Variants in VAT1L observed in about 807,000 individuals in gnomAD.
The protein encoded by VAT1L is putative NADPH-dependent quinone oxidoreductase VAT1L.
A neutral mutation model predicts 44.1 loss-of-function variants in VAT1L; 34 were observed. The observed-to-expected ratio is 0.77, with a 90% CI of 0.59 to 1.03. The LOEUF is 1.03. VAT1L is among the 50% of genes least tolerant of loss of function. VAT1L has a pLI of 0.00. For missense variants in VAT1L, 615 were observed against 538.8 expected (o/e 1.14, Z -1.40); for synonymous variants, 253 against 202.2 (o/e 1.25, Z -2.13).
intron 7 of VAT1L, among the ~76,000 whole-genome samples, chr16:77,943,386 T>A: frequency 6.8e-6 from 1 of 146,826 alleles, no homozygotes; most frequent in Middle Eastern, 3.5e-3. Context: ...CTTTCTTTTT[T>A]TTTTTTTTTT....
chr16:77,850,892 C>T (rs553267697), intron 3 of VAT1L, among the ~76,000 whole-genome samples: 55 of 152,278 alleles, frequency 3.6e-4, no homozygotes, highest in African/African-American at 1.3e-3. Flanking sequence ...GTGGACTGGA[C>T]GGCTCCACGG....
Position 77,912,868 on chromosome 16 carries a change from C to T in VAT1L, c.1077+28066C>T, listed in dbSNP as rs145323362. ...GCTCTCTTCTTGGCCTGTAGATGGCCGTCTTCTCACTGCTTCCTCATATGG... is the reference window on the plus strand; with the variant it reads ...GCTCTCTTCTTGGCCTGTAGATGGCTGTCTTCTCACTGCTTCCTCATATGG... On this transcript the variant is annotated intron_variant, in intron 7 of 8. Transcript: ENST00000302536. Among the ~76,000 whole-genome samples, 796 of 152,210 alleles carry T rather than the reference C, an allele frequency of 5.2e-3. 9 individuals carry two copies. The highest frequency in any genetic ancestry group is 0.018 in the African/African-American group (759 of 41,530).
At chr16:77,825,498 C>T (rs2016509354) in intron 3 of VAT1L, 37 bp downstream of exon 3, 1 of 1,549,908 alleles carries the variant, frequency 6.5e-7, no homozygotes, top group African/African-American at 1.4e-5. Flanking sequence ...TCTTTAAGGT[C>T]ATGATGGTGG....
chr16:77,813,072 A>T (rs923102476), intron 1 of VAT1L, among the ~76,000 whole-genome samples: 3 of 152,240 alleles, frequency 2.0e-5, no homozygotes, highest in African/African-American at 7.2e-5. Flanking sequence ...CACCCCCAAA[A>T]ACATTCTAAC....
intron 3 of VAT1L, among the ~76,000 whole-genome samples, chr16:77,847,309 G>C (rs564940835): frequency 6.6e-6 from 1 of 151,990 alleles, no homozygotes; most frequent in African/African-American, 2.4e-5. Context: ...GTGGCCAAAA[G>C]CAGTAGGTGT....
At chr16:77,825,861 A>AAT (rs952847646) in intron 3 of VAT1L, among the ~76,000 whole-genome samples, 4 of 149,928 alleles carry the variant, frequency 2.7e-5, no homozygotes, top group Non-Finnish European at 5.9e-5. Flanking sequence ...CTAAAAATAA[A>AAT]AAAAAAAAAA....
intron 7 of VAT1L, among the ~76,000 whole-genome samples, chr16:77,926,011 C>G (rs1423596369): frequency 2.0e-5 from 3 of 152,028 alleles, no homozygotes; most frequent in Non-Finnish European, 4.4e-5. Context: ...ACCTGTAATC[C>G]TAGCACTTTG....
chr16:77,806,891 C>T (rs2145222672), intron 1 of VAT1L, among the ~76,000 whole-genome samples: 1 of 152,270 alleles, frequency 6.6e-6, no homozygotes, highest in Admixed American at 6.5e-5. Flanking sequence ...TGTCTTCTCC[C>T]TTCCATGGAA....
At chr16:77,924,627 A>T (rs1773239314) in intron 7 of VAT1L, among the ~76,000 whole-genome samples, 1 of 151,768 alleles carries the variant, frequency 6.6e-6, no homozygotes, top group African/African-American at 2.4e-5. Flanking sequence ...CACCCACCTA[A>T]TTTTTTGTAT....
chr16:77,838,507 C>G (rs577255351), intron 3 of VAT1L, among the ~76,000 whole-genome samples: 1 of 152,072 alleles, frequency 6.6e-6, no homozygotes, highest in African/African-American at 2.4e-5. Context: ...TTGCACTCAC[C>G]CCCCTGCTCT....
rs1168381207 is a variant in VAT1L, at chr16:77,832,996, A to G, written c.579+7535A>G. On this transcript the variant is annotated intron_variant, in intron 3 of 8. Transcript: ENST00000302536. Reference sequence around the variant, plus strand: ...AGTATATTTTGTTGAAAAGAAAACCATCATTGACCCTAAAAGGCACCAGTA... The same window carrying G: ...AGTATATTTTGTTGAAAAGAAAACCGTCATTGACCCTAAAAGGCACCAGTA... Among the ~76,000 whole-genome samples, 5 of 152,224 alleles carry G rather than the reference A, an allele frequency of 3.3e-5. No individual in the cohort carries two copies. In the South Asian group the frequency reaches 6.2e-4, roughly 19 times the overall value.
chr16:77,814,239 A>C (rs780674292), intron 1 of VAT1L, among the ~76,000 whole-genome samples: 37 of 152,196 alleles, frequency 2.4e-4, no homozygotes, highest in Non-Finnish European at 3.7e-4. Flanking sequence ...GTCTGATCCA[A>C]CACTCGGGAG....
intron 1 of VAT1L, among the ~76,000 whole-genome samples, chr16:77,793,995 CTG>C (rs2015883198): frequency 6.6e-6 from 1 of 152,162 alleles, no homozygotes; most frequent in Non-Finnish European, 1.5e-5. Flanking sequence ...GATGAGGAAA[CTG>C]ATATTCACAG....
At chr16:77,839,833 G>A (rs1032661101) in intron 3 of VAT1L, among the ~76,000 whole-genome samples, 11 of 152,118 alleles carry the variant, frequency 7.2e-5, no homozygotes, top group Middle Eastern at 3.2e-3. Context: ...TTGCATGGAG[G>A]TGCTTTAGAA....
At chr16:77,831,519 A>AC (rs752661692) in intron 3 of VAT1L, among the ~76,000 whole-genome samples, 6 of 152,128 alleles carry the variant, frequency 3.9e-5, no homozygotes, top group Non-Finnish European at 7.4e-5. Context: ...CTTTCCCCAA[A>AC]CCCATAACCC....
intron 1 of VAT1L, chr16:77,800,121 T>C (rs1243244859): frequency 6.6e-6 from 1 of 152,174 alleles, no homozygotes; most frequent in African/African-American, 2.4e-5. Flanking sequence ...AATACCAAAC[T>C]ATGTTTTCAT....
intron 3 of VAT1L, among the ~76,000 whole-genome samples, chr16:77,849,291 A>T (rs540716357): frequency 6.6e-6 from 1 of 152,366 alleles, no homozygotes; most frequent in East Asian, 1.9e-4. Flanking sequence ...TATGAGACAG[A>T]GAGCATACCA....
intron 7 of VAT1L, among the ~76,000 whole-genome samples, chr16:77,917,066 T>C (rs1378683583): frequency 1.3e-5 from 2 of 152,090 alleles, no homozygotes; most frequent in Non-Finnish European, 2.9e-5. Context: ...AGAGATATTG[T>C]TGAGTTAATT....
At chr16:77,840,154 G>A (rs1029770686) in intron 3 of VAT1L, among the ~76,000 whole-genome samples, 1 of 152,142 alleles carries the variant, frequency 6.6e-6, no homozygotes, top group Admixed American at 6.6e-5. Context: ...TGGTGGCTGT[G>A]ATTATGCCAA....
Sources: allele counts gnomAD v4.1 joint callset (sites outside exome capture counted in the v4.1 genomes callset), GRCh38; gene constraint gnomAD v4.1.1; transcripts MANE v1.5; gene names NCBI Gene and HGNC (gene_info 2026-07-23, HGNC 2026-07-21).